ZBTB44: variants seen among roughly 807,000 people sequenced by gnomAD.
ZBTB44 encodes zinc finger and BTB domain-containing protein 44.
Under a neutral mutation model 54.0 loss-of-function variants are expected in ZBTB44, and 15 were observed. The ratio of observed to expected loss-of-function variants is 0.28; its 90% confidence interval spans 0.19 to 0.43. The LOEUF is 0.43. Ranked by LOEUF, ZBTB44 falls within the 20% of genes least tolerant of loss-of-function variation. The pLI, the probability that ZBTB44 is intolerant of heterozygous loss-of-function variation, is 1.00. For synonymous variants in ZBTB44, 230 were observed against 250.1 expected (o/e 0.92, Z 0.76); for missense variants, 487 against 707.1 (o/e 0.69, Z 3.53).
At position 130,295,778 on chromosome 11, in the gene ZBTB44, T is replaced by TA. The variant is rs1484797586; in HGVS notation, c.-57+18596dup. 3 of 1,463,388 alleles carry TA rather than the reference T, an allele frequency of 2.1e-6. No individual in the cohort carries two copies. In the African/African-American group the frequency reaches 4.2e-5, roughly 20 times the overall value. The allele number at this position is 1,463,388 out of a possible 1,614,324, so 90.7% of individuals were successfully genotyped here. A position where few individuals can be genotyped will look rare whatever the true frequency, so the allele number is the denominator to read the frequency against. On this transcript the variant is annotated intron_variant, in intron 1 of 7. Coordinates refer to ENST00000357899, the MANE Select transcript of ZBTB44 (RefSeq NM_001301098.2). ...TCAAACCTGCAGTAGAACTCATTGT[T>TA]AAAATTCATGCCCAGGAATGCATGC...
chr11:130,309,384 A>G (rs990067782), intron 1 of ZBTB44, among the ~76,000 whole-genome samples: 1 of 152,236 alleles, frequency 6.6e-6, no homozygotes, highest in Non-Finnish European at 1.5e-5. Flanking sequence ...CTTGGTTGAC[A>G]GGAGGCTGAT....
intron 1 of ZBTB44, among the ~76,000 whole-genome samples, chr11:130,279,326 A>T (rs900259619): frequency 4.6e-5 from 7 of 151,946 alleles, no homozygotes; most frequent in Non-Finnish European, 7.4e-5. Flanking sequence ...AAAAAAAAAA[A>T]AAGCCCTGGG....
At chr11:130,278,316 T>C (rs1405229856) in intron 1 of ZBTB44, among the ~76,000 whole-genome samples, 1 of 152,220 alleles carries the variant, frequency 6.6e-6, no homozygotes, top group Non-Finnish European at 1.5e-5. Context: ...GTACCTCATA[T>C]GATTTATTGA....
At chr11:130,300,151 A>T (rs1303532945) in intron 1 of ZBTB44, among the ~76,000 whole-genome samples, 1 of 152,168 alleles carries the variant, frequency 6.6e-6, no homozygotes, top group African/African-American at 2.4e-5. Flanking sequence ...TTGCCTGGGG[A>T]TGTGGGGAGA....
chr11:130,280,555 C>T (rs1940428983), intron 1 of ZBTB44, among the ~76,000 whole-genome samples: 1 of 152,188 alleles, frequency 6.6e-6, no homozygotes, highest in African/African-American at 2.4e-5. Flanking sequence ...AGAAAATTAG[C>T]AAAGACATAA....
intron 1 of ZBTB44, among the ~76,000 whole-genome samples, chr11:130,307,122 C>T (rs1942312137): frequency 6.6e-6 from 1 of 151,548 alleles, no homozygotes; most frequent in Non-Finnish European, 1.5e-5. Flanking sequence ...ACCTAAAGCC[C>T]ACCATTAACA....
chr11:130,304,632 T>C (rs565542922), intron 1 of ZBTB44, among the ~76,000 whole-genome samples: 2 of 151,920 alleles, frequency 1.3e-5, no homozygotes, highest in Non-Finnish European at 2.9e-5. Flanking sequence ...TTAAAAAAAA[T>C]ATTGATTTTT....
At position 130,230,557 on chromosome 11, in the gene ZBTB44, TTG is replaced by T. The variant is rs1279154177; in HGVS notation, c.*1205_*1206del. 1.3e-5 allele frequency: 2 copies of T among 151,232 alleles called. No homozygotes were observed. Among genetic ancestry groups the T allele is most frequent in the Non-Finnish European group, 3.0e-5 (2 of 67,794 alleles). The allele number at this position is 151,232 out of a possible 1,614,324, so 9.4% of individuals were successfully genotyped here. On this transcript the variant is annotated 3_prime_UTR_variant, in exon 8 of 8. Transcript: ENST00000357899. ...GGCTATTTAAACATTTTAGTATATT[TTG>T]TCTTACTGAAATTGATAAAAAAAAA...
At chr11:130,267,563 CCTGG>C (rs1197014459) in intron 1 of ZBTB44, among the ~76,000 whole-genome samples, 2 of 151,786 alleles carry the variant, frequency 1.3e-5, no homozygotes, top group African/African-American at 4.8e-5. Context: ...TATCACCACG[CCTGG>C]CTAATTTTTA....
intron 1 of ZBTB44, among the ~76,000 whole-genome samples, chr11:130,311,886 T>G (rs1320721731): frequency 6.6e-6 from 1 of 152,026 alleles, no homozygotes; most frequent in Non-Finnish European, 1.5e-5. Context: ...CACACAATAG[T>G]CAGCTTGAAA....
Position 130,238,507 on chromosome 11 carries a change from G to A in ZBTB44, c.1204C>T (p.Pro402Ser), listed in dbSNP as rs572015947. The A allele has an allele frequency of 6.2e-7, 1 of 1,610,850 alleles. No individual in the cohort carries two copies. Among genetic ancestry groups the A allele is most frequent in the South Asian group, 1.1e-5 (1 of 90,074 alleles). ...CGGGTGAATCGCACCCCGCAGGTTGGACACTGAAAAGGTCTGTCGGGACCA... is the reference window on the plus strand; with the variant it reads ...CGGGTGAATCGCACCCCGCAGGTTGAACACTGAAAAGGTCTGTCGGGACCA... ...PNGPDRPFQC[P>S]TCGVRFTRIQ... The change falls in exon 4 of 8, where the codon CCA (proline) becomes TCA (serine). Residue 402 changes from proline (P) to serine (S), a missense_variant. By Grantham distance (74) the Pro-to-Ser change is moderately conservative. This residue lies in a region of ZBTB44 where 120 missense variants were observed against 240.3 expected (regional missense o/e 0.50). Transcript: ENST00000357899.
chr11:130,269,181 C>T (rs1253282133), intron 1 of ZBTB44, among the ~76,000 whole-genome samples: 5 of 151,748 alleles, frequency 3.3e-5, no homozygotes, highest in East Asian at 3.9e-4. Context: ...CCTAGCTAGT[C>T]GGGAGGCTGA....
At chr11:130,297,638 A>G (rs1262802318) in intron 1 of ZBTB44, among the ~76,000 whole-genome samples, 1 of 152,196 alleles carries the variant, frequency 6.6e-6, no homozygotes, top group Non-Finnish European at 1.5e-5. Flanking sequence ...CATAGGGAGG[A>G]TGCCCCATGA....
intron 2 of ZBTB44, among the ~76,000 whole-genome samples, chr11:130,254,138 C>A (rs111308230): frequency 0.062 from 9,493 of 152,130 alleles, 731 homozygotes; most frequent in African/African-American, 0.18. Context: ...TAGGCAATAC[C>A]ATTCAGGACA....
At chr11:130,234,364 A>C (rs1954015898) in intron 5 of ZBTB44, 91 bp from the exon 6 acceptor site, 2 of 1,271,432 alleles carry the variant, frequency 1.6e-6, no homozygotes, top group East Asian at 2.7e-5. Flanking sequence ...ATACAACAAA[A>C]TTGGGACTCT....
chr11:130,255,687 T>C (rs573454035), intron 2 of ZBTB44, among the ~76,000 whole-genome samples: 81 of 151,836 alleles, frequency 5.3e-4, no homozygotes, highest in Middle Eastern at 3.4e-3. Context: ...AATAATCAAA[T>C]AGACACAATA....
intron 1 of ZBTB44, among the ~76,000 whole-genome samples, chr11:130,274,810 G>A (rs373724670): frequency 3.9e-5 from 6 of 152,200 alleles, no homozygotes; most frequent in East Asian, 1.9e-4. Flanking sequence ...AGAGATATTG[G>A]TCTGGAGTTT....
intron 7 of ZBTB44, chr11:130,232,429 C>G (rs1223947038): frequency 6.6e-6 from 1 of 152,112 alleles, no homozygotes. Context: ...ATACCCAAGT[C>G]TAGAGGATCA....
In ZBTB44 at chr11:130,312,983, G is replaced by C. The variant is rs543478792; in HGVS notation, c.-57+1392C>G. Among the ~76,000 whole-genome samples, 10 of 152,232 alleles carry C rather than the reference G, an allele frequency of 6.6e-5. No individual in the cohort carries two copies. In the South Asian group the frequency reaches 2.1e-3, roughly 32 times the overall value. On this transcript the variant is annotated intron_variant, in intron 1 of 7. Transcript: ENST00000357899. ...CAATATGGCAAAAATGCTAATCACT[G>C]AGTTGGTTATTCATTGCATTGATTA...
Sources: gnomAD v4.1 joint callset for allele counts (sites outside exome capture counted in the v4.1 genomes callset) on GRCh38, gnomAD v4.1.1 for gene constraint, gnomAD v4.1.1 regional missense constraint, MANE v1.5 for transcripts, NCBI Gene and HGNC (gene_info 2026-07-23, HGNC 2026-07-21) for gene names.